The following SIPA1L3 variants were observed in gnomAD, a reference collection of about 807,000 sequenced individuals.
The protein encoded by SIPA1L3 is signal-induced proliferation-associated 1-like protein 3.
A neutral mutation model predicts 150.1 loss-of-function variants in SIPA1L3; 59 were observed. The observed-to-expected ratio is 0.39, with a 90% CI of 0.32 to 0.49. The LOEUF is 0.49. SIPA1L3 is among the 20% of genes least tolerant of loss of function. SIPA1L3 has a pLI of 0.86. For synonymous variants in SIPA1L3, 1,070 were observed against 1,077.6 expected, an observed-to-expected ratio of 0.99 and a Z score of 0.14; for missense variants, 2,211 against 2,489.5, an observed-to-expected ratio of 0.89 and a Z score of 2.38.
At chr19:38,114,062 A>G (rs1238839140) in intron 8 of SIPA1L3, among the ~76,000 whole-genome samples, 1 of 152,202 alleles carries the variant, frequency 6.6e-6, no homozygotes, top group Non-Finnish European at 1.5e-5. Context: ...TTGTGAAATC[A>G]TGAATCAGGA....
chr19:38,036,041 G>A (rs1968774559), intron 2 of SIPA1L3, among the ~76,000 whole-genome samples: 1 of 152,162 alleles, frequency 6.6e-6, no homozygotes, highest in Admixed American at 6.5e-5. Flanking sequence ...GAGTTTCTTT[G>A]GTGTGTGTTG....
chr19:38,000,693 C>A (rs1326508749), intron 1 of SIPA1L3, among the ~76,000 whole-genome samples: 1 of 133,056 alleles, frequency 7.5e-6, no homozygotes, highest in African/African-American at 2.8e-5. Context: ...TTTTTTTCCT[C>A]CTCATGCTTG....
At chr19:38,118,952 T>C (rs1353154019) in intron 8 of SIPA1L3, among the ~76,000 whole-genome samples, 1 of 152,094 alleles carries the variant, frequency 6.6e-6, no homozygotes, top group East Asian at 1.9e-4. Context: ...CCCAACACTT[T>C]GGGAAGCCCA....
intron 9 of SIPA1L3, among the ~76,000 whole-genome samples, chr19:38,126,725 G>A (rs147993974): frequency 0.024 from 3,680 of 151,744 alleles, 71 homozygotes; most frequent in Non-Finnish European, 0.041. Flanking sequence ...TAGTAGAGAC[G>A]GGGTTTCACC....
At chr19:37,942,636 T>C (rs1475691626) in intron 1 of SIPA1L3, among the ~76,000 whole-genome samples, 1 of 151,460 alleles carries the variant, frequency 6.6e-6, no homozygotes, top group Non-Finnish European at 1.5e-5. Flanking sequence ...GGAGCATAGA[T>C]TGAAGGTGGG....
intron 1 of SIPA1L3, among the ~76,000 whole-genome samples, chr19:38,022,710 G>GA (rs1184416221): frequency 6.6e-6 from 1 of 151,958 alleles, no homozygotes; most frequent in Non-Finnish European, 1.5e-5. Flanking sequence ...TCCATCTCAA[G>GA]AAAAAAATAA....
intron 12 of SIPA1L3, among the ~76,000 whole-genome samples, chr19:38,147,740 T>A (rs913848511): frequency 2.0e-5 from 3 of 152,050 alleles, no homozygotes; most frequent in African/African-American, 7.3e-5. Flanking sequence ...GTTCCATTGA[T>A]CTATACGTAT....
chr19:37,921,553 T>A (rs1400968882), intron 1 of SIPA1L3, among the ~76,000 whole-genome samples: 1 of 152,024 alleles, frequency 6.6e-6, no homozygotes, highest in Non-Finnish European at 1.5e-5. Flanking sequence ...CAAGCTTCCA[T>A]AAACTTCCAC....
At chr19:38,093,635 A>T (rs1970313005) in intron 4 of SIPA1L3, among the ~76,000 whole-genome samples, 1 of 150,958 alleles carries the variant, frequency 6.6e-6, no homozygotes, top group Non-Finnish European at 1.5e-5. Flanking sequence ...CCACACACAC[A>T]CATGCCTTGG....
At chr19:38,159,646 A>G (rs953041187) in intron 13 of SIPA1L3, among the ~76,000 whole-genome samples, 1 of 152,232 alleles carries the variant, frequency 6.6e-6, no homozygotes, top group Admixed American at 6.5e-5. Context: ...AACTAGGCCA[A>G]TCCGAGCCAC....
chr19:38,023,883 G>A (rs538607319), intron 1 of SIPA1L3, among the ~76,000 whole-genome samples: 20 of 152,326 alleles, frequency 1.3e-4, no homozygotes, highest in Non-Finnish European at 2.1e-4. Flanking sequence ...ACCTCCTGCC[G>A]TCTTGGGACA....
At position 38,078,430 on chromosome 19, in the gene SIPA1L3, G is replaced by A. The variant is rs1600019521; in HGVS notation, c.-310-2826G>A. 7.8e-5 allele frequency among the ~76,000 whole-genome samples: 11 copies of A among 140,332 alleles called. 1 individual carries two copies. The South Asian group carries it at 1.8e-3, about 23-fold the overall frequency. 92.1% of individuals were successfully genotyped at this position (140,332 alleles called of 152,430 possible). A position where few individuals can be genotyped will look rare whatever the true frequency, so the allele number is the denominator to read the frequency against. On this transcript the variant is annotated intron_variant, in intron 2 of 21. Coordinates refer to ENST00000222345, the MANE Select transcript of SIPA1L3 (RefSeq NM_015073.3). Reference sequence around the variant, plus strand: ...TTAGGAAAAGCCCCCCTACACATGCGCATACATGCACACACACACACACAC... The same window carrying A: ...TTAGGAAAAGCCCCCCTACACATGCACATACATGCACACACACACACACAC...
At position 38,130,551 on chromosome 19, in the gene SIPA1L3, C is replaced by T. The variant is rs370779271; in HGVS notation, c.2922C>T (p.Leu974=). The T allele has an allele frequency of 9.3e-6, 15 of 1,613,606 alleles. No individual in the cohort carries two copies. The highest frequency in any genetic ancestry group is 6.7e-5 in the East Asian group (3 of 44,888). ...ACATGACGCTTCGGCGGAACGGGCT[C>T]GGGCAGCTGGGCTTCCACGTGAAGT... is the stretch of plus-strand genomic sequence containing the variant. The part of the protein sequence containing the change: ...TVDMTLRRNG[L]GQLGFHVKYD... The change falls in exon 10 of 22, where the codon CTC becomes CTT. Residue 974 remains leucine, a synonymous_variant. Transcript: ENST00000222345.
intron 3 of SIPA1L3, among the ~76,000 whole-genome samples, chr19:38,085,479 C>CAAAA (rs1169340957): frequency 1.4e-4 from 9 of 66,096 alleles, no homozygotes; most frequent in Admixed American, 4.7e-4. Flanking sequence ...GACTCCGTCT[C>CAAAA]AAAAAAAAAA....
chr19:38,137,527 C>G (rs1971462294), intron 10 of SIPA1L3, among the ~76,000 whole-genome samples: 2 of 151,548 alleles, frequency 1.3e-5, no homozygotes, highest in South Asian at 4.2e-4. Flanking sequence ...TCTAGAACTC[C>G]TGGGTTCAAG....
intron 16 of SIPA1L3, 84 bp from the exon 17 acceptor site, chr19:38,192,061 G>A (rs1051635024): frequency 7.6e-7 from 1 of 1,314,188 alleles, no homozygotes; most frequent in Non-Finnish European, 1.0e-6. Context: ...GTCCCGTGGT[G>A]GCCGGCCCTC....
At chr19:38,199,612 GA>G (rs983441714) in intron 19 of SIPA1L3, among the ~76,000 whole-genome samples, 6 of 150,510 alleles carry the variant, frequency 4.0e-5, no homozygotes, top group Admixed American at 6.6e-5. Flanking sequence ...TTACGGGGGA[GA>G]GGGGGGAGTA....
At chr19:38,159,472 G>A (rs1972025524) in intron 13 of SIPA1L3, among the ~76,000 whole-genome samples, 1 of 152,190 alleles carries the variant, frequency 6.6e-6, no homozygotes, top group African/African-American at 2.4e-5. Context: ...CTCCTTCCAG[G>A]GCAGTTTGTG....
intron 3 of SIPA1L3, among the ~76,000 whole-genome samples, chr19:38,085,373 G>A (rs577201822): frequency 2.0e-4 from 30 of 151,958 alleles, no homozygotes; most frequent in South Asian, 1.5e-3. Flanking sequence ...CCAGCTACTC[G>A]GGAGGCTGAG....
Sources: allele counts gnomAD v4.1 joint callset (sites outside exome capture counted in the v4.1 genomes callset), GRCh38; gene constraint gnomAD v4.1.1; transcripts MANE v1.5; gene names NCBI Gene and HGNC (gene_info 2026-07-23, HGNC 2026-07-21).